Variants in SPOCK3 observed in about 807,000 individuals in gnomAD.
SPOCK3 encodes testican-3.
A neutral mutation model predicts 56.6 loss-of-function variants in SPOCK3; 30 were observed. The observed-to-expected ratio is 0.53, with a 90% confidence interval of 0.40 to 0.72. SPOCK3 has a LOEUF of 0.72. Ranked by LOEUF, SPOCK3 falls within the 30% of genes least tolerant of loss-of-function variation. The pLI is 0.00. For synonymous variants in SPOCK3, 196 were observed against 183.3 expected (o/e 1.07, Z -0.56); for missense variants, 527 against 530.0 (o/e 0.99, Z 0.06).
chr4:167,109,301 AATT>A (rs1379292093), intron 2 of SPOCK3, among the ~76,000 whole-genome samples: 9 of 89,366 alleles, frequency 1.0e-4, no homozygotes, highest in Admixed American at 7.9e-4. Context: ...TATAAATAAT[AATT>A]ATTAATATAT....
chr4:166,733,738 T>G lies in SPOCK3; in HGVS notation c.*1183A>C, dbSNP rs1442617232. ...AAGTAATTTTTGCTACAGTTAAATC[T>G]TAAATGCTACTCTACACAATAATCA... is the stretch of plus-strand genomic sequence containing the variant. On this transcript the variant is annotated 3_prime_UTR_variant, in exon 11 of 11. Transcript: ENST00000357545. The G allele has an allele frequency of 2.0e-5, 3 of 152,304 alleles. No individual in the cohort carries two copies. Among genetic ancestry groups the G allele is most frequent in the African/African-American group, 7.2e-5 (3 of 41,442 alleles). 9.4% of individuals were successfully genotyped at this position (152,304 alleles called of 1,614,324 possible).
intron 5 of SPOCK3, among the ~76,000 whole-genome samples, chr4:166,897,433 A>G (rs187734459): frequency 1.3e-5 from 2 of 152,216 alleles, no homozygotes; most frequent in African/African-American, 2.4e-5. Flanking sequence ...AAAAAAGATA[A>G]TATCTCTGCA....
intron 2 of SPOCK3, among the ~76,000 whole-genome samples, chr4:167,200,229 A>C (rs1262835442): frequency 6.6e-6 from 1 of 152,102 alleles, no homozygotes; most frequent in Non-Finnish European, 1.5e-5. Flanking sequence ...AATCCTGCTT[A>C]AACAGATGAT....
intron 8 of SPOCK3, chr4:166,754,066 C>G (rs776195321): frequency 7.4e-6 from 7 of 949,122 alleles, no homozygotes; most frequent in Non-Finnish European, 8.8e-6. Flanking sequence ...GTAAAAATAA[C>G]TTTATGGTGA....
intron 6 of SPOCK3, among the ~76,000 whole-genome samples, chr4:166,864,938 C>T (rs12498421): frequency 0.52 from 78,266 of 151,836 alleles, 20,740 homozygotes; most frequent in South Asian, 0.68. Flanking sequence ...TTTTATGAGG[C>T]CAGCATCACC....
intron 4 of SPOCK3, among the ~76,000 whole-genome samples, chr4:166,993,761 T>C (rs1748054572): frequency 6.6e-6 from 1 of 152,148 alleles, no homozygotes; most frequent in African/African-American, 2.4e-5. Flanking sequence ...ACTTCTAACG[T>C]GCTATGGGCA....
At chr4:167,106,637 A>G (rs11132867) in intron 2 of SPOCK3, among the ~76,000 whole-genome samples, 23,138 of 151,482 alleles carry the variant, frequency 0.15, 2,077 homozygotes, top group Middle Eastern at 0.22. Flanking sequence ...GAAGAAAAAA[A>G]TAATAAAGAT....
chr4:166,735,606 AT>A (rs1252829857), intron 10 of SPOCK3, among the ~76,000 whole-genome samples: 8 of 152,030 alleles, frequency 5.3e-5, no homozygotes, highest in Admixed American at 5.3e-4. Flanking sequence ...AAAAAAAAAA[AT>A]GTTTTCCAGA....
chr4:166,917,225 A>T (rs1737958088), intron 4 of SPOCK3, among the ~76,000 whole-genome samples: 1 of 152,204 alleles, frequency 6.6e-6, no homozygotes, highest in Non-Finnish European at 1.5e-5. Context: ...TTCTCTAAAT[A>T]AATATTTTTC....
intron 9 of SPOCK3, 84 bp downstream of exon 9, chr4:166,741,913 G>T: frequency 1.0e-6 from 1 of 975,804 alleles, no homozygotes; most frequent in Non-Finnish European, 1.6e-6. Context: ...ATCTTTGTTG[G>T]ATTAATATTG....
At chr4:166,807,218 A>C (rs959689207) in intron 6 of SPOCK3, among the ~76,000 whole-genome samples, 10 of 151,832 alleles carry the variant, frequency 6.6e-5, no homozygotes, top group Non-Finnish European at 1.3e-4. Context: ...TAGTGAGGTG[A>C]TGCAGCTGGC....
chr4:167,172,899 T>C (rs1730633766), intron 2 of SPOCK3, among the ~76,000 whole-genome samples: 1 of 152,180 alleles, frequency 6.6e-6, no homozygotes, highest in African/African-American at 2.4e-5. Context: ...TTACTTTAAA[T>C]AATATTTCAG....
intron 2 of SPOCK3, among the ~76,000 whole-genome samples, chr4:167,108,005 A>T (rs1457142571): frequency 6.6e-6 from 1 of 151,922 alleles, no homozygotes; most frequent in Non-Finnish European, 1.5e-5. Context: ...GTCTGAATAG[A>T]CATTTGCCAA....
At chr4:167,091,511 T>C (rs1483408340) in intron 2 of SPOCK3, among the ~76,000 whole-genome samples, 1 of 152,176 alleles carries the variant, frequency 6.6e-6, no homozygotes. Flanking sequence ...AGATTATATA[T>C]TGATATTTAA....
chr4:167,138,259 T>G (rs955937264), intron 2 of SPOCK3, among the ~76,000 whole-genome samples: 4 of 151,828 alleles, frequency 2.6e-5, no homozygotes, highest in African/African-American at 9.7e-5. Context: ...CTTAAAAACA[T>G]TAGGTTTTAA....
intron 2 of SPOCK3, among the ~76,000 whole-genome samples, chr4:167,226,387 G>A (rs908044350): frequency 6.6e-6 from 1 of 152,070 alleles, no homozygotes; most frequent in Non-Finnish European, 1.5e-5. Context: ...AGAGGATACT[G>A]GGATAATATG....
At chr4:166,833,018 T>C (rs1464446140) in intron 6 of SPOCK3, among the ~76,000 whole-genome samples, 1 of 152,182 alleles carries the variant, frequency 6.6e-6, no homozygotes, top group Non-Finnish European at 1.5e-5. Flanking sequence ...AATATACTCA[T>C]GTAATAAACC....
At chr4:166,944,593 A>G (rs1189433129) in intron 4 of SPOCK3, among the ~76,000 whole-genome samples, 1 of 152,148 alleles carries the variant, frequency 6.6e-6, no homozygotes, top group Non-Finnish European at 1.5e-5. Context: ...AACATTATAG[A>G]TCAATTACAT....
rs918111286 is a variant in SPOCK3 at position 167,134,825 on chromosome 4, A to G, written c.190-72288T>C. 1.1e-4 allele frequency among the ~76,000 whole-genome samples: 16 copies of G among 152,130 alleles called. No homozygotes were observed. In the East Asian group the frequency reaches 3.1e-3, roughly 29 times the overall value. ...CTTAAAAGTCATGTAAAAAGATATA[A>G]CTATGTAGCATATTTACCTTCCTAG... On this transcript the variant is annotated intron_variant, in intron 2 of 10. Transcript: ENST00000357545.
Sources: gnomAD v4.1 joint callset for allele counts (sites outside exome capture counted in the v4.1 genomes callset) on GRCh38, gnomAD v4.1.1 for gene constraint, MANE v1.5 for transcripts, NCBI Gene and HGNC (gene_info 2026-07-23, HGNC 2026-07-21) for gene names.